Variants in DIAPH1 observed in about 807,000 individuals in gnomAD.
The protein encoded by DIAPH1 is protein diaphanous homolog 1.
Under a neutral mutation model 140.7 loss-of-function variants are expected in DIAPH1, and 46 were observed. The ratio of observed to expected loss-of-function variants is 0.33; its 90% confidence interval spans 0.26 to 0.42. The LOEUF (loss-of-function observed/expected upper bound fraction) is 0.42, where lower values mean the gene tolerates loss of function less well. Ranked by LOEUF, DIAPH1 falls within the 10% of genes least tolerant of loss-of-function variation. The pLI, the probability that DIAPH1 is intolerant of heterozygous loss-of-function variation, is 1.00. For missense variants in DIAPH1, 1,310 were observed against 1,558.7 expected, an observed-to-expected ratio of 0.84 and a Z score of 2.69; for synonymous variants, 565 against 551.6, an observed-to-expected ratio of 1.02 and a Z score of -0.34.
intron 27 of DIAPH1, among the ~76,000 whole-genome samples, chr5:141,522,761 G>A (rs545453290): frequency 1.3e-5 from 2 of 152,210 alleles, no homozygotes; most frequent in African/African-American, 4.8e-5. Flanking sequence ...CTATCTATAA[G>A]ACTAAATGCT....
Position 141,580,335 on chromosome 5 carries a change from A to T in DIAPH1, c.824+409T>A, listed in dbSNP as rs540175043. Among the ~76,000 whole-genome samples the T allele has an allele frequency of 5.3e-5, 8 of 152,326 alleles. No homozygotes were observed. The East Asian group carries it at 1.5e-3, about 29-fold the overall frequency. On this transcript the variant is annotated intron_variant, in intron 8 of 27. Transcript: ENST00000389054. ...TTCTATGAGACTATACCATGCCATT[A>T]ACAGTCATTCTCTTTGCAGAATAGG...
chr5:141,554,157 A>G (rs774226464), intron 18 of DIAPH1, among the ~76,000 whole-genome samples: 1 of 152,058 alleles, frequency 6.6e-6, no homozygotes, highest in Non-Finnish European at 1.5e-5. Context: ...CATGCTTGTA[A>G]TCCCAGCTAC....
Position 141,516,844 on chromosome 5 carries a change from A to T in DIAPH1, c.*7T>A, listed in dbSNP as rs771342017. The T allele has an allele frequency of 1.2e-6, 2 of 1,613,970 alleles. No homozygotes were observed. The highest frequency in any genetic ancestry group is 8.5e-7 in the Non-Finnish European group (1 of 1,180,018). ...GCTGAGGAGCTGCCGCGGTCACAGG[A>T]CCCACATTAGCTTGCACGGCCAACC... On this transcript the variant is annotated 3_prime_UTR_variant, in exon 28 of 28. Transcript: ENST00000389054.
intron 18 of DIAPH1, among the ~76,000 whole-genome samples, chr5:141,553,466 C>G (rs1200410532): frequency 3.3e-5 from 5 of 151,944 alleles, no homozygotes; most frequent in Admixed American, 3.3e-4. Context: ...ATGGCGAAAC[C>G]CCAACTCTAC....
In DIAPH1 at chr5:141,601,329, T is replaced by A. The variant is rs115404411; in HGVS notation, c.118-13079A>T. 8.0e-3 allele frequency among the ~76,000 whole-genome samples: 1,222 copies of A among 151,826 alleles called. 13 individuals carry two copies. The highest frequency in any genetic ancestry group is 0.028 in the African/African-American group (1,159 of 41,462). Reference sequence around the variant, plus strand: ...TTTTTTGAGATGAAGTATCACTCTGTCACCCAGGCTAACGTGCGGTGTGAT... The same window carrying A: ...TTTTTTGAGATGAAGTATCACTCTGACACCCAGGCTAACGTGCGGTGTGAT... On this transcript the variant is annotated intron_variant, in intron 1 of 27. Coordinates refer to ENST00000389054, the MANE Select transcript of DIAPH1 (RefSeq NM_005219.5).
At chr5:141,610,284 A>G (rs1198008898) in intron 1 of DIAPH1, among the ~76,000 whole-genome samples, 1 of 151,840 alleles carries the variant, frequency 6.6e-6, no homozygotes, top group Non-Finnish European at 1.5e-5. Flanking sequence ...GGCACCCACC[A>G]CCACACCCGG....
At chr5:141,530,924 A>C (rs1050310621) in intron 19 of DIAPH1, among the ~76,000 whole-genome samples, 1 of 152,208 alleles carries the variant, frequency 6.6e-6, no homozygotes, top group Non-Finnish European at 1.5e-5. Context: ...CAGAAGAGGC[A>C]GCCCCACAGA....
intron 27 of DIAPH1, among the ~76,000 whole-genome samples, chr5:141,520,508 G>A (rs887275302): frequency 3.9e-5 from 6 of 152,232 alleles, no homozygotes; most frequent in East Asian, 3.9e-4. Flanking sequence ...TCCCACTTCC[G>A]CCTTGTGATA....
In DIAPH1 at chr5:141,580,517, G is replaced by A. The variant is rs1305592142; in HGVS notation, c.824+227C>T. ...AATACAGATATTAATGGAGATATAGGAGACATTTTGCTATACCTCTGATGA... is the reference window on the plus strand; with the variant it reads ...AATACAGATATTAATGGAGATATAGAAGACATTTTGCTATACCTCTGATGA... On this transcript the variant is annotated intron_variant, in intron 8 of 27. Coordinates refer to ENST00000389054, the MANE Select transcript of DIAPH1 (RefSeq NM_005219.5). 2.0e-5 allele frequency among the ~76,000 whole-genome samples: 3 copies of A among 151,902 alleles called. No homozygotes were observed. In the East Asian group the frequency reaches 5.8e-4, roughly 29 times the overall value.
At chr5:141,617,423 T>A (rs2099902864) in intron 1 of DIAPH1, among the ~76,000 whole-genome samples, 1 of 152,228 alleles carries the variant, frequency 6.6e-6, no homozygotes, top group East Asian at 1.9e-4. Flanking sequence ...GTCACTATTT[T>A]AATTCTATTT....
intron 18 of DIAPH1, among the ~76,000 whole-genome samples, chr5:141,556,881 G>A (rs536961225): frequency 1.3e-5 from 2 of 152,266 alleles, no homozygotes; most frequent in South Asian, 4.1e-4. Context: ...TTTTAGTAGA[G>A]ACGAGGTTTC....
At chr5:141,554,143 A>G (rs1424560891) in intron 18 of DIAPH1, among the ~76,000 whole-genome samples, 2 of 151,876 alleles carry the variant, frequency 1.3e-5, no homozygotes, top group Non-Finnish European at 2.9e-5. Flanking sequence ...CAGGCATGGT[A>G]GTGCATGCTT....
chr5:141,611,072 C>T (rs888254852), intron 1 of DIAPH1, among the ~76,000 whole-genome samples: 2 of 151,940 alleles, frequency 1.3e-5, no homozygotes, highest in African/African-American at 4.8e-5. Context: ...GATTGGGTGA[C>T]AGAGTGAGAC....
chr5:141,596,880 G>A (rs915856793), intron 1 of DIAPH1, among the ~76,000 whole-genome samples: 1 of 152,042 alleles, frequency 6.6e-6, no homozygotes, highest in East Asian at 1.9e-4. Flanking sequence ...GAAGCAACTT[G>A]CCAAATAAAC....
chr5:141,575,177 A>G, intron 14 of DIAPH1, 31 bp from the exon 15 acceptor site: 1 of 1,611,492 alleles, frequency 6.2e-7, no homozygotes, highest in South Asian at 1.1e-5. Flanking sequence ...GCTCCCAGCA[A>G]GCTCTCCATC....
At chr5:141,614,751 C>G (rs942073181) in intron 1 of DIAPH1, among the ~76,000 whole-genome samples, 1 of 151,944 alleles carries the variant, frequency 6.6e-6, no homozygotes, top group African/African-American at 2.4e-5. Context: ...AAACATCTCA[C>G]TAACGTTCCT....
chr5:141,530,067 G>A (rs2099887982), intron 19 of DIAPH1, among the ~76,000 whole-genome samples: 1 of 152,254 alleles, frequency 6.6e-6, no homozygotes, highest in East Asian at 1.9e-4. Flanking sequence ...CTGAGCAACA[G>A]AGCGAGACCC....
chr5:141,607,556 T>C (rs1235201202), intron 1 of DIAPH1, among the ~76,000 whole-genome samples: 1 of 152,252 alleles, frequency 6.6e-6, no homozygotes, highest in African/African-American at 2.4e-5. Flanking sequence ...CAACATGTAT[T>C]ACAACCTGTT....
intron 18 of DIAPH1, among the ~76,000 whole-genome samples, chr5:141,571,122 T>A (rs191127315): frequency 2.4e-4 from 37 of 152,300 alleles, no homozygotes; most frequent in African/African-American, 8.4e-4. Flanking sequence ...TAAGGCACTA[T>A]GAAAATTGTA....
Sources: allele counts gnomAD v4.1 joint callset (sites outside exome capture counted in the v4.1 genomes callset), GRCh38; gene constraint gnomAD v4.1.1; transcripts MANE v1.5; gene names NCBI Gene and HGNC (gene_info 2026-07-23, HGNC 2026-07-21).